Variants in CDC37 observed in about 807,000 individuals in gnomAD.
The protein encoded by CDC37 is cell division cycle 37, HSP90 cochaperone, also known as hsp90 co-chaperone Cdc37.
A neutral mutation model predicts 46.9 loss-of-function variants in CDC37; 9 were observed. The observed-to-expected ratio is 0.19, with a 90% CI of 0.12 to 0.33. The LOEUF (loss-of-function observed/expected upper bound fraction) is 0.33. Ranked by LOEUF, CDC37 falls within the 10% of genes least tolerant of loss-of-function variation. CDC37 has a pLI of 1.00. For missense variants in CDC37, 388 were observed against 514.6 expected, an observed-to-expected ratio of 0.75 and a Z score of 2.38; for synonymous variants, 193 against 191.0, an observed-to-expected ratio of 1.01 and a Z score of -0.09.
intron 1 of CDC37, among the ~76,000 whole-genome samples, chr19:10,399,917 G>C (rs1314877074): frequency 9.8e-6 from 1 of 102,494 alleles, no homozygotes; most frequent in Non-Finnish European, 2.1e-5. Context: ...GGGCAACAGA[G>C]TGAGACTCCG....
Position 10,396,032 on chromosome 19 carries a change from G to C in CDC37, c.274C>G (p.Arg92Gly). ...TGCTCCCAGCTCCGCTCCTCCTTGC[G>C]CAGCTGCTGTGCCTCGGCCTGCAGG... The part of the protein sequence containing the change: ...ERLQAEAQQL[R>G]KEERSWEQKL... Residue 92 changes from arginine to glycine, a missense_variant, in exon 2 of 8, where the codon CGC (arginine) becomes GGC (glycine). Around this residue, in one of 2 missense-constraint regions of CDC37, gnomAD observed 374 missense variants for 467.4 expected, o/e 0.80. Transcript: ENST00000222005. The surrounding 1 kb of genome is among the most constrained non-coding windows in gnomAD (Gnocchi z 5.9). 1 of 1,613,764 alleles carries C rather than the reference G, an allele frequency of 6.2e-7. No homozygotes were observed. The highest frequency in any genetic ancestry group is 8.5e-7 in the Non-Finnish European group (1 of 1,179,918).
chr19:10,392,653 G>C (rs2042463631), intron 7 of CDC37: 1 of 186,866 alleles, frequency 5.4e-6, no homozygotes, highest in Non-Finnish European at 1.1e-5. Context: ...AGGATCACTT[G>C]AGCCTGGGAG....
In CDC37 at chr19:10,398,593, C is replaced by G. The variant is rs1328895354; in HGVS notation, c.103-2390G>C. Among the ~76,000 whole-genome samples, 1 of 152,190 alleles carries G rather than the reference C, an allele frequency of 6.6e-6. No homozygotes were observed. Among genetic ancestry groups the G allele is most frequent in the Non-Finnish European group, 1.5e-5 (1 of 68,042 alleles). ...CTGCACAAGCTCATATTGGAAGAAA[C>G]TAAGGAGATGATTAGAGTAAAATGT... On this transcript the variant is annotated intron_variant, in intron 1 of 7. Coordinates refer to ENST00000222005, the MANE Select transcript of CDC37 (RefSeq NM_007065.4). This position sits in a 1 kb window ranked among gnomAD's most constrained non-coding sequence, Gnocchi z 4.2.
At position 10,393,073 on chromosome 19, in the gene CDC37, G is replaced by A. The variant is rs202166501; in HGVS notation, c.981+13C>T. The stretch of plus-strand genomic sequence containing the variant: ...GGCCCGCCGGGAAGGCATGGGGCGC[G>A]GGGGTTACTCACGGTGGGGTCCATC... On this transcript the variant is annotated intron_variant, in intron 7 of 7. Transcript: ENST00000222005. This position sits in a 1 kb window ranked among gnomAD's most constrained non-coding sequence, Gnocchi z 4.9. The A allele has an allele frequency of 3.7e-5, 59 of 1,611,700 alleles. No homozygotes were observed. The highest frequency in any genetic ancestry group is 4.5e-5 in the Non-Finnish European group (53 of 1,177,840).
At chr19:10,402,559 G>A (rs1599383733) in intron 1 of CDC37, among the ~76,000 whole-genome samples, 1 of 152,114 alleles carries the variant, frequency 6.6e-6, no homozygotes, top group Non-Finnish European at 1.5e-5. Flanking sequence ...TGGTGACAGG[G>A]TCTGCAATAC....
At chr19:10,395,700 G>T in intron 2 of CDC37, 157 bp from the exon 3 acceptor site, 1 of 785,038 alleles carries the variant, frequency 1.3e-6, no homozygotes, top group South Asian at 1.6e-5. Flanking sequence ...CATGGGCCTT[G>T]GGGCAGATCA....
rs2042469016 is a variant in CDC37, at chr19:10,393,347, G to C, written c.821C>G (p.Ala274Gly). 1.2e-6 allele frequency: 2 copies of C among 1,613,928 alleles called. No individual in the cohort carries two copies. The highest frequency in any genetic ancestry group is 1.7e-6 in the Non-Finnish European group (2 of 1,180,000). ...CTCCTCCTCCTCGTACTCCTTCATGGCCTTCTCGATGCGCAGCTTGGCACG... is the reference window on the plus strand; with the variant it reads ...CTCCTCCTCCTCGTACTCCTTCATGCCCTTCTCGATGCGCAGCTTGGCACG... ...RGRAKLRIEK[A>G]MKEYEEEERK... The change falls in exon 6 of 8, where the codon GCC becomes GGC. Residue 274 changes from alanine (A) to glycine (G), a missense_variant. This residue lies in a region of CDC37 where 374 missense variants were observed against 467.4 expected (regional missense o/e 0.80). Coordinates refer to ENST00000222005, the MANE Select transcript of CDC37 (RefSeq NM_007065.4). This position sits in a 1 kb window ranked among gnomAD's most constrained non-coding sequence, Gnocchi z 4.9.
At chr19:10,394,790 C>T (rs1376153392) in intron 5 of CDC37, among the ~76,000 whole-genome samples, 15 of 151,742 alleles carry the variant, frequency 9.9e-5, no homozygotes, top group African/African-American at 3.6e-4. Context: ...CCTCAGCCTC[C>T]CAAAGTGCTG....
rs1187565597 is a variant in CDC37, at chr19:10,396,604, C to T, written c.103-401G>A. On this transcript the variant is annotated intron_variant, in intron 1 of 7. Coordinates refer to ENST00000222005, the MANE Select transcript of CDC37 (RefSeq NM_007065.4). The surrounding 1 kb of genome is among the most constrained non-coding windows in gnomAD (Gnocchi z 5.9). ...ACAAAACAAAAAACAGGGTCTCACT[C>T]TGTCGTCCAGGTCAGAGTGCAGTGG... is the stretch of plus-strand genomic sequence containing the variant. Among the ~76,000 whole-genome samples, 1 of 152,198 alleles carries T rather than the reference C, an allele frequency of 6.6e-6. No homozygotes were observed. Among genetic ancestry groups the T allele is most frequent in the Admixed American group, 6.5e-5 (1 of 15,274 alleles).
rs955251838 is a variant in CDC37 at position 10,393,436 on chromosome 19, G to A, written c.732C>T (p.Ala244=). ...TGAAGCCCTCCATGTACTGGCGATC[G>A]GCTGTCTATGGGGGTTGGGCAGTGC... The part of the protein sequence containing the change: ...FRQFFTKIKT[A]DRQYMEGFND... Residue 244 remains alanine, a synonymous_variant, in exon 6 of 8, where the codon GCC becomes GCT. Coordinates refer to ENST00000222005, the MANE Select transcript of CDC37 (RefSeq NM_007065.4). The surrounding 1 kb of genome is among the most constrained non-coding windows in gnomAD (Gnocchi z 4.9). 11 of 1,610,828 alleles carry A rather than the reference G, an allele frequency of 6.8e-6. No individual in the cohort carries two copies. The highest frequency in any genetic ancestry group is 1.3e-5 in the African/African-American group (1 of 74,882).
At chr19:10,392,824 A>C (rs1014896111) in intron 7 of CDC37, 2 of 553,220 alleles carry the variant, frequency 3.6e-6, no homozygotes, top group East Asian at 3.0e-5. Context: ...GGTTTGGATA[A>C]GGAAACTGAG....
chr19:10,394,045 G>A (rs886527173), intron 5 of CDC37, among the ~76,000 whole-genome samples: 5 of 151,972 alleles, frequency 3.3e-5, no homozygotes, highest in South Asian at 2.1e-4. Context: ...AGCCGAGATC[G>A]TGCTACTGCA....
At chr19:10,402,914 C>A (rs1041062646) in intron 1 of CDC37, among the ~76,000 whole-genome samples, 2 of 151,708 alleles carry the variant, frequency 1.3e-5, no homozygotes, top group Admixed American at 1.3e-4. Flanking sequence ...GAAAGTAGAT[C>A]CCGGGACAGA....
chr19:10,399,880 C>T (rs947687000), intron 1 of CDC37, among the ~76,000 whole-genome samples: 18 of 143,240 alleles, frequency 1.3e-4, no homozygotes, highest in South Asian at 9.0e-4. Flanking sequence ...TACAGTGAGC[C>T]GAGATGGCAC....
chr19:10,394,958 A>G, intron 5 of CDC37, 63 bp downstream of exon 5: 6 of 1,497,426 alleles, frequency 4.0e-6, no homozygotes, highest in Non-Finnish European at 5.3e-6. Flanking sequence ...CCTTACCTAG[A>G]GCATTGTGGG....
Position 10,393,086 on chromosome 19 carries a change from G to C in CDC37, c.981C>G (p.Thr327=). ...GGCATGGGGCGCGGGGGTTACTCAC[G>C]GTGGGGTCCATCTTGCTGATGGCGT... is the stretch of plus-strand genomic sequence containing the variant. ...LQDAISKMDP[T]DAKYHMQRCI... Residue 327 remains threonine, a splice_region_variant and synonymous_variant, in exon 7 of 8, where the codon ACC becomes ACG. Transcript: ENST00000222005. The surrounding 1 kb of genome is among the most constrained non-coding windows in gnomAD (Gnocchi z 4.9). The C allele has an allele frequency of 6.2e-7, 1 of 1,613,736 alleles. No individual in the cohort carries two copies. The highest frequency in any genetic ancestry group is 8.5e-7 in the Non-Finnish European group (1 of 1,179,672).
At chr19:10,397,848 G>A (rs779663649) in intron 1 of CDC37, among the ~76,000 whole-genome samples, 19 of 151,990 alleles carry the variant, frequency 1.3e-4, no homozygotes, top group Admixed American at 6.6e-5. Flanking sequence ...AGCCCCAGAT[G>A]TCACTCCCCA....
At chr19:10,401,078 T>A (rs949482483) in intron 1 of CDC37, among the ~76,000 whole-genome samples, 7 of 152,214 alleles carry the variant, frequency 4.6e-5, no homozygotes, top group African/African-American at 1.7e-4. Flanking sequence ...AGGCCTGTGC[T>A]CTGAACGACA....
rs756606459 is a variant in CDC37 at position 10,391,505 on chromosome 19, G to T, written c.*46C>A. 1 of 1,608,382 alleles carries T rather than the reference G, an allele frequency of 6.2e-7. No homozygotes were observed. The highest frequency in any genetic ancestry group is 1.1e-5 in the South Asian group (1 of 90,912). On this transcript the variant is annotated 3_prime_UTR_variant, in exon 8 of 8. Transcript: ENST00000222005. Reference sequence around the variant, plus strand: ...GGCATCTATCTGTTTTCTGAAAAGGGGCACATAGGGGCCTGGAAGCAGGTG... The same window carrying T: ...GGCATCTATCTGTTTTCTGAAAAGGTGCACATAGGGGCCTGGAAGCAGGTG...
Sources: allele counts gnomAD v4.1 joint callset (sites outside exome capture counted in the v4.1 genomes callset), GRCh38; gene constraint gnomAD v4.1.1; regional missense constraint gnomAD v4.1.1; non-coding constraint Gnocchi (gnomAD v3.1); transcripts MANE v1.5; gene names NCBI Gene and HGNC (gene_info 2026-07-23, HGNC 2026-07-21).